BNC2: variants seen among roughly 807,000 people sequenced by gnomAD.
BNC2 encodes the protein zinc finger protein basonuclin-2.
A neutral mutation model predicts 76.3 loss-of-function variants in BNC2; 20 were observed. That is an observed-to-expected ratio of 0.26 (90% confidence interval 0.18 to 0.38). The LOEUF is 0.38. Among genes scored for constraint, BNC2 ranks in the 10% least tolerant of loss-of-function variants. BNC2 has a pLI of 1.00. For missense variants in BNC2, 1,382 were observed against 1,399.8 expected (o/e 0.99, Z 0.20); for synonymous variants, 582 against 514.8 (o/e 1.13, Z -1.77).
At chr9:16,846,391 G>A (rs552486044) in intron 1 of BNC2, among the ~76,000 whole-genome samples, 192 of 152,234 alleles carry the variant, frequency 1.3e-3, no homozygotes, top group African/African-American at 4.4e-3. Context: ...AAAAGTCATC[G>A]TATTTCTCTT....
At chr9:16,615,906 T>A (rs1820683117) in intron 3 of BNC2, among the ~76,000 whole-genome samples, 1 of 152,148 alleles carries the variant, frequency 6.6e-6, no homozygotes, top group African/African-American at 2.4e-5. Context: ...ATAAGGAGAC[T>A]AAGGGTCAAG....
intron 3 of BNC2, among the ~76,000 whole-genome samples, chr9:16,595,069 G>C (rs1245250912): frequency 1.3e-5 from 2 of 152,080 alleles, no homozygotes; most frequent in Non-Finnish European, 2.9e-5. Context: ...AATAAAGAAA[G>C]TGACCCAGCA....
At chr9:16,794,189 T>C (rs1430720343) in intron 1 of BNC2, among the ~76,000 whole-genome samples, 4 of 152,224 alleles carry the variant, frequency 2.6e-5, no homozygotes, top group East Asian at 1.9e-4. Flanking sequence ...TCTGTAAGCA[T>C]CTCAGCCACA....
intron 5 of BNC2, among the ~76,000 whole-genome samples, chr9:16,498,731 T>G (rs1255678717): frequency 6.6e-6 from 1 of 152,014 alleles, no homozygotes; most frequent in African/African-American, 2.4e-5. Context: ...TGTTTTCTTC[T>G]GTCTCCTACC....
intron 2 of BNC2, among the ~76,000 whole-genome samples, chr9:16,729,341 A>G (rs1398654614): frequency 6.6e-6 from 1 of 152,336 alleles, no homozygotes; most frequent in East Asian, 1.9e-4. Flanking sequence ...ATCGAGGACA[A>G]ATGTACCACT....
intron 1 of BNC2, among the ~76,000 whole-genome samples, chr9:16,783,085 A>G (rs2135567717): frequency 6.6e-6 from 1 of 152,298 alleles, no homozygotes; most frequent in African/African-American, 2.4e-5. Flanking sequence ...AGAAAGTTAA[A>G]TATATCCAAT....
chr9:16,535,059 T>C (rs553537661), intron 5 of BNC2, among the ~76,000 whole-genome samples: 2 of 152,330 alleles, frequency 1.3e-5, no homozygotes, highest in Admixed American at 1.3e-4. Context: ...CAATTGACAT[T>C]TCTACATATA....
At chr9:16,756,813 C>T (rs954116655) in intron 1 of BNC2, among the ~76,000 whole-genome samples, 1 of 152,076 alleles carries the variant, frequency 6.6e-6, no homozygotes, top group Non-Finnish European at 1.5e-5. Context: ...CACAGTGAAA[C>T]TCTGTCTCTA....
At chr9:16,501,269 A>G (rs1822511777) in intron 5 of BNC2, among the ~76,000 whole-genome samples, 1 of 152,216 alleles carries the variant, frequency 6.6e-6, no homozygotes, top group Admixed American at 6.5e-5. Flanking sequence ...TATTCATACG[A>G]ATGAGTAATG....
At position 16,854,164 on chromosome 9, in the gene BNC2, T is replaced by G. The variant is rs1324263880; in HGVS notation, c.3+16482A>C. Among the ~76,000 whole-genome samples the G allele has an allele frequency of 2.0e-5, 3 of 152,188 alleles. No individual in the cohort carries two copies. The East Asian group carries it at 5.8e-4, about 29-fold the overall frequency. On this transcript the variant is annotated intron_variant, in intron 1 of 6. Transcript: ENST00000380672. ...TCCCATAGCAGATTATTCTTGATGT[T>G]CAAGTGTTTTAAAAGGAAGGAAAGA...
intron 6 of BNC2, among the ~76,000 whole-genome samples, chr9:16,420,208 T>C (rs1033657877): frequency 6.6e-6 from 1 of 152,318 alleles, no homozygotes; most frequent in East Asian, 1.9e-4. Context: ...CTTCCGTCTC[T>C]ACCCTCCACA....
At chr9:16,737,223 G>A (rs1233612782) in intron 2 of BNC2, among the ~76,000 whole-genome samples, 1 of 137,008 alleles carries the variant, frequency 7.3e-6, no homozygotes, top group Non-Finnish European at 1.5e-5. Context: ...TCCCACCTCA[G>A]CCACCACACC....
intron 5 of BNC2, among the ~76,000 whole-genome samples, chr9:16,502,225 G>A (rs1822534273): frequency 6.6e-6 from 1 of 152,060 alleles, no homozygotes; most frequent in African/African-American, 2.4e-5. Context: ...TTAGCCAGAC[G>A]TGATGGCACA....
intron 1 of BNC2, among the ~76,000 whole-genome samples, chr9:16,751,057 G>C (rs763422953): frequency 2.6e-5 from 4 of 152,008 alleles, no homozygotes; most frequent in Non-Finnish European, 5.9e-5. Context: ...TCACCCACAA[G>C]ATTAAATATA....
rs148678646 is a variant in BNC2 at position 16,465,662 on chromosome 9, T to G, written c.670-28138A>C. Among the ~76,000 whole-genome samples, 1,350 of 152,110 alleles carry G rather than the reference T, an allele frequency of 8.9e-3. 14 individuals are homozygous for G. Among genetic ancestry groups the G allele is most frequent in the African/African-American group, 0.031 (1,270 of 41,426 alleles). On this transcript the variant is annotated intron_variant, in intron 5 of 6. Coordinates refer to ENST00000380672, the MANE Select transcript of BNC2 (RefSeq NM_017637.6). Reference sequence around the variant, plus strand: ...AAATATATTACACATATAACATGAATATTATAAGACAAATTATAACAAGAT... The same window carrying G: ...AAATATATTACACATATAACATGAAGATTATAAGACAAATTATAACAAGAT...
At chr9:16,793,866 TTG>T (rs554825237) in intron 1 of BNC2, among the ~76,000 whole-genome samples, 9,581 of 127,738 alleles carry the variant, frequency 0.075, 923 homozygotes, top group Admixed American at 0.15. Flanking sequence ...TTTTGTTTTT[TTG>T]TTTTTTTTTT....
chr9:16,481,107 G>A (rs1299453758), intron 5 of BNC2, among the ~76,000 whole-genome samples: 1 of 152,108 alleles, frequency 6.6e-6, no homozygotes, highest in Non-Finnish European at 1.5e-5. Flanking sequence ...TTTGGGCTCT[G>A]GTGGGGCCTT....
intron 3 of BNC2, among the ~76,000 whole-genome samples, chr9:16,655,737 T>C (rs1821911627): frequency 6.6e-6 from 1 of 152,222 alleles, no homozygotes; most frequent in African/African-American, 2.4e-5. Context: ...AAGCCTTTTA[T>C]CAAACTACCA....
chr9:16,645,555 G>C (rs938579303), intron 3 of BNC2, among the ~76,000 whole-genome samples: 2 of 152,104 alleles, frequency 1.3e-5, no homozygotes, highest in Non-Finnish European at 2.9e-5. Flanking sequence ...GTATTTGTGG[G>C]ACTTAGAATA....
Sources: gnomAD v4.1 joint callset for allele counts (sites outside exome capture counted in the v4.1 genomes callset) on GRCh38, gnomAD v4.1.1 for gene constraint, MANE v1.5 for transcripts, NCBI Gene and HGNC (gene_info 2026-07-23, HGNC 2026-07-21) for gene names.